The following PDZD2 variants were observed in gnomAD, a reference collection of about 807,000 sequenced individuals.
PDZD2 encodes PDZ domain containing 2.
PDZD2 carries 90 observed loss-of-function variants against 220.7 expected under a neutral mutation model. That is an observed-to-expected ratio of 0.41 (90% CI 0.34 to 0.49). The LOEUF (loss-of-function observed/expected upper bound fraction) is 0.49, where lower values mean the gene tolerates loss of function less well. Ranked by LOEUF, PDZD2 falls within the 20% of genes least tolerant of loss-of-function variation. PDZD2 has a pLI of 0.28. For synonymous variants in PDZD2, 1,375 were observed against 1,450.5 expected (o/e 0.95, Z 1.18); for missense variants, 3,174 against 3,608.5 (o/e 0.88, Z 3.08).
At chr5:31,641,077 C>A (rs1318148340) in intron 1 of PDZD2, among the ~76,000 whole-genome samples, 1 of 152,098 alleles carries the variant, frequency 6.6e-6, no homozygotes, top group Non-Finnish European at 1.5e-5. Context: ...CTGTTCATTT[C>A]AATCATTTTA....
intron 2 of PDZD2, among the ~76,000 whole-genome samples, chr5:31,887,433 G>A (rs1246724234): frequency 1.3e-5 from 2 of 152,144 alleles, no homozygotes; most frequent in South Asian, 2.1e-4. Flanking sequence ...CCTGAGAGTG[G>A]TGTGCACTTT....
chr5:31,730,662 C>T lies in PDZD2; in HGVS notation c.-360-68227C>T, dbSNP rs887724059. On this transcript the variant is annotated intron_variant, in intron 1 of 24. Coordinates refer to ENST00000438447, the MANE Select transcript of PDZD2 (RefSeq NM_178140.4). The stretch of plus-strand genomic sequence containing the variant: ...TCTACTAGGTGAATAGCTACAGAGT[C>T]CTCCCACACAACAGACCTAGGGGAT... 3.3e-5 allele frequency among the ~76,000 whole-genome samples: 5 copies of T among 150,878 alleles called. No individual in the cohort carries two copies. In the East Asian group the frequency reaches 5.9e-4, roughly 18 times the overall value.
chr5:31,706,672 C>T (rs1003003915), intron 1 of PDZD2, among the ~76,000 whole-genome samples: 4 of 151,984 alleles, frequency 2.6e-5, no homozygotes, highest in African/African-American at 7.2e-5. Context: ...GGTGAAACCC[C>T]GTCTCTATTA....
intron 1 of PDZD2, among the ~76,000 whole-genome samples, chr5:31,772,374 C>T (rs1752386990): frequency 6.6e-6 from 1 of 152,204 alleles, no homozygotes; most frequent in Non-Finnish European, 1.5e-5. Flanking sequence ...TGTGGTCCAA[C>T]CCTAGCCAAC....
intron 1 of PDZD2, among the ~76,000 whole-genome samples, chr5:31,757,744 G>A (rs769176657): frequency 2.6e-5 from 4 of 152,164 alleles, no homozygotes; most frequent in Non-Finnish European, 4.4e-5. Context: ...GTCACAGGTG[G>A]TTTTGTTATG....
At chr5:31,669,346 G>A (rs1163060731) in intron 1 of PDZD2, among the ~76,000 whole-genome samples, 1 of 150,066 alleles carries the variant, frequency 6.7e-6, no homozygotes, top group Non-Finnish European at 1.5e-5. Context: ...AGGCTGCAGT[G>A]AGCTATGATT....
At chr5:31,674,367 C>A (rs1746326380) in intron 1 of PDZD2, among the ~76,000 whole-genome samples, 1 of 152,160 alleles carries the variant, frequency 6.6e-6, no homozygotes, top group African/African-American at 2.4e-5. Context: ...TGGCCTTTCT[C>A]CTTTGGAGGA....
At chr5:31,997,095 C>T (rs1040811174) in intron 4 of PDZD2, among the ~76,000 whole-genome samples, 7 of 152,058 alleles carry the variant, frequency 4.6e-5, no homozygotes, top group East Asian at 1.9e-4. Context: ...GGGGCGTGTA[C>T]GTATGTTGTA....
chr5:31,658,603 G>T (rs1359178877), intron 1 of PDZD2, among the ~76,000 whole-genome samples: 1 of 151,116 alleles, frequency 6.6e-6, no homozygotes, highest in African/African-American at 2.4e-5. Context: ...TGAAAATTTG[G>T]TCTATGTGGG....
At position 32,073,298 on chromosome 5, in the gene PDZD2, T is replaced by A. The variant is rs538288958; in HGVS notation, c.2726-534T>A. ...AACAAGATATAAAAATCGTTGCAGA[T>A]TCAGGTTGGCATTGTTCTAGAGTAT... On this transcript the variant is annotated intron_variant, in intron 17 of 24. Coordinates refer to ENST00000438447, the MANE Select transcript of PDZD2 (RefSeq NM_178140.4). Among the ~76,000 whole-genome samples the A allele has an allele frequency of 2.0e-5, 3 of 152,272 alleles. No individual in the cohort carries two copies. In the South Asian group the frequency reaches 6.2e-4, roughly 32 times the overall value.
intron 5 of PDZD2, among the ~76,000 whole-genome samples, chr5:32,007,495 A>G (rs2112061268): frequency 6.6e-6 from 1 of 152,260 alleles, no homozygotes; most frequent in Admixed American, 6.5e-5. Flanking sequence ...AAGGCCTAAC[A>G]ATATAGGATT....
intron 2 of PDZD2, among the ~76,000 whole-genome samples, chr5:31,815,245 C>CAA (rs59040987): frequency 0.024 from 1,411 of 57,772 alleles, 73 homozygotes; most frequent in African/African-American, 0.084. Flanking sequence ...AACTCTGTCT[C>CAA]AAAAAAAAAA....
chr5:32,034,508 G>A (rs1755378320), intron 6 of PDZD2, among the ~76,000 whole-genome samples: 1 of 152,036 alleles, frequency 6.6e-6, no homozygotes, highest in African/African-American at 2.4e-5. Flanking sequence ...ATACAGGCAC[G>A]TGCCACTATG....
intron 16 of PDZD2, 121 bp from the exon 17 acceptor site, chr5:32,072,040 C>T: frequency 1.5e-6 from 1 of 688,134 alleles, no homozygotes. Context: ...TTTACTATCA[C>T]AGCTATTTCA....
intron 1 of PDZD2, among the ~76,000 whole-genome samples, chr5:31,770,881 T>C (rs6873288): frequency 0.58 from 87,370 of 151,752 alleles, 25,968 homozygotes; most frequent in Middle Eastern, 0.69. Context: ...TCTGTCTTTT[T>C]ACTTTTTTTT....
intron 21 of PDZD2, among the ~76,000 whole-genome samples, chr5:32,095,590 C>T (rs1426880153): frequency 4.6e-5 from 7 of 152,088 alleles, no homozygotes; most frequent in Non-Finnish European, 7.3e-5. Flanking sequence ...CTGAGGCTCT[C>T]AGAGGCAAAA....
At chr5:31,889,949 G>A (rs1019867773) in intron 2 of PDZD2, among the ~76,000 whole-genome samples, 1 of 151,938 alleles carries the variant, frequency 6.6e-6, no homozygotes, top group Admixed American at 6.6e-5. Context: ...TTGAACCCGG[G>A]GGGGCAGAGG....
At chr5:31,869,876 T>C (rs569597104) in intron 2 of PDZD2, among the ~76,000 whole-genome samples, 1 of 152,142 alleles carries the variant, frequency 6.6e-6, no homozygotes, top group Non-Finnish European at 1.5e-5. Flanking sequence ...TCTGACCCCC[T>C]GTAGAAGGTG....
intron 1 of PDZD2, among the ~76,000 whole-genome samples, chr5:31,654,045 A>G (rs150309407): frequency 0.052 from 7,862 of 152,224 alleles, 252 homozygotes; most frequent in South Asian, 0.094. Flanking sequence ...TGGCCTCCCA[A>G]AGTGCTGGGA....
Sources: allele counts gnomAD v4.1 joint callset (sites outside exome capture counted in the v4.1 genomes callset), GRCh38; gene constraint gnomAD v4.1.1; transcripts MANE v1.5; gene names NCBI Gene and HGNC (gene_info 2026-07-23, HGNC 2026-07-21).